The following DICER1 variants were observed in gnomAD, a reference collection of about 807,000 sequenced individuals.
DICER1 encodes endoribonuclease Dicer.
In DICER1, 43 loss-of-function variants were observed where a neutral mutation model predicts 194.1. That is an observed-to-expected ratio of 0.22 (90% CI 0.17 to 0.29). The LOEUF (loss-of-function observed/expected upper bound fraction) is 0.29, where lower values mean the gene tolerates loss of function less well. Ranked by LOEUF, DICER1 falls within the 10% of genes least tolerant of loss-of-function variation. The pLI is 1.00. For synonymous variants in DICER1, 832 were observed against 820.5 expected (o/e 1.01, Z -0.24); for missense variants, 1,608 against 2,317.0 (o/e 0.69, Z 6.28).
chr14:95,109,922 TTTG>T (rs1474833575), intron 14 of DICER1, among the ~76,000 whole-genome samples: 5 of 152,228 alleles, frequency 3.3e-5, no homozygotes, highest in Non-Finnish European at 7.3e-5. Context: ...ATTGTTCTAT[TTTG>T]TTATTACTGT....
intron 24 of DICER1, 71 bp downstream of exon 24, chr14:95,093,817 G>A (rs1354352500): frequency 1.8e-5 from 27 of 1,537,734 alleles, no homozygotes; most frequent in East Asian, 1.3e-4. Flanking sequence ...CCACTATGCC[G>A]TCAGAACTCT....
rs924551551 is a variant in DICER1 at position 95,112,391 on chromosome 14, A to C, written c.2041-144T>G. 20 of 722,028 alleles carry C rather than the reference A, an allele frequency of 2.8e-5. No homozygotes were observed. The East Asian group carries it at 5.2e-4, about 19-fold the overall frequency. 44.7% of individuals were successfully genotyped at this position (722,028 alleles called of 1,614,324 possible). The stretch of plus-strand genomic sequence containing the variant: ...TTCTTTATTTTGAAAAATTCCAGCA[A>C]GTTTTTAAAAATTCTAATCTCCATA... On this transcript the variant is annotated intron_variant, in intron 12 of 26. Transcript: ENST00000343455.
chr14:95,142,006 T>C (rs1366671471), intron 1 of DICER1, among the ~76,000 whole-genome samples: 1 of 152,234 alleles, frequency 6.6e-6, no homozygotes, highest in Non-Finnish European at 1.5e-5. Flanking sequence ...TCAGTAAAAC[T>C]TGGCTTTAAA....
chr14:95,113,424 T>A (rs1595398006), intron 11 of DICER1, among the ~76,000 whole-genome samples, 200 bp from the exon 12 acceptor site: 1 of 152,270 alleles, frequency 6.6e-6, no homozygotes, highest in East Asian at 1.9e-4. Context: ...ATGTTCTATA[T>A]CTTCGATGCC....
intron 1 of DICER1, among the ~76,000 whole-genome samples, chr14:95,147,492 C>T (rs1895213591): frequency 6.6e-6 from 1 of 152,142 alleles, no homozygotes; most frequent in Non-Finnish European, 1.5e-5. Flanking sequence ...CGTTAAGGCA[C>T]AAAATGTGGT....
chr14:95,141,847 T>C (rs1324805670), intron 1 of DICER1: 1 of 152,240 alleles, frequency 6.6e-6, no homozygotes, highest in Non-Finnish European at 1.5e-5. Flanking sequence ...TAAAATTCTT[T>C]ATCTGTTGGG....
chr14:95,152,009 G>A (rs967808029), intron 1 of DICER1, among the ~76,000 whole-genome samples: 2 of 152,140 alleles, frequency 1.3e-5, no homozygotes, highest in Non-Finnish European at 2.9e-5. Context: ...CATTATTCAA[G>A]TTCTCTAAGT....
chr14:95,107,866 GA>G lies in DICER1; in HGVS notation c.2650+13del, dbSNP rs528577189. 7.2e-4 allele frequency: 1,159 copies of G among 1,610,324 alleles called. 26 individuals are homozygous for G. In the South Asian group the frequency reaches 0.012, roughly 17 times the overall value. On this transcript the variant is annotated intron_variant, in intron 16 of 26. Coordinates refer to ENST00000343455, the MANE Select transcript of DICER1 (RefSeq NM_177438.3). ...TGTGTCTAGAGTTATCAAAGTAAGA[GA>G]TTTTTTTCTTACCAACATTAAGAGG...
intron 1 of DICER1, among the ~76,000 whole-genome samples, chr14:95,146,175 C>T (rs145785540): frequency 3.3e-5 from 5 of 152,334 alleles, no homozygotes; most frequent in African/African-American, 1.2e-4. Context: ...AGTTTAAAGC[C>T]TGAAGGTCGA....
chr14:95,110,191 T>C (rs552982282), intron 14 of DICER1, among the ~76,000 whole-genome samples: 25 of 152,238 alleles, frequency 1.6e-4, no homozygotes, highest in African/African-American at 5.5e-4. Context: ...ATATTAAGCA[T>C]TAAAATAAAT....
intron 21 of DICER1, 68 bp from the exon 22 acceptor site, chr14:95,100,003 A>G (rs1890737541): frequency 6.5e-7 from 1 of 1,537,842 alleles, no homozygotes; most frequent in East Asian, 2.3e-5. Flanking sequence ...AAGGCATATT[A>G]ACATATCCTC....
chr14:95,145,006 CCA>C (rs1895043165), intron 1 of DICER1, among the ~76,000 whole-genome samples: 1 of 152,162 alleles, frequency 6.6e-6, no homozygotes, highest in African/African-American at 2.4e-5. Flanking sequence ...AATCACCTTC[CCA>C]CAGTTTATCA....
rs1894116766 is a variant in DICER1 at position 95,133,338 on chromosome 14, T to C, written c.121A>G (p.Ile41Val). The change falls in exon 2 of 27, where the codon ATT becomes GTT. Residue 41 changes from isoleucine to valine, a missense_variant. Physicochemically the swap from Ile to Val is conservative, Grantham distance 29 (BLOSUM62 3). Around this residue, in one of 10 missense-constraint regions of DICER1, gnomAD observed 657 missense variants for 910.1 expected, o/e 0.72. Coordinates refer to ENST00000343455, the MANE Select transcript of DICER1 (RefSeq NM_177438.3). ...PWQQEAIHDN[I>V]YTPRKYQVEL... ...ACCTGATATTTTCTTGGCGTATAAATGTTATCATGAATTGCTTCTTGTTGC... is the reference window on the plus strand; with the variant it reads ...ACCTGATATTTTCTTGGCGTATAAACGTTATCATGAATTGCTTCTTGTTGC... 7.4e-6 allele frequency: 12 copies of C among 1,614,140 alleles called. No individual in the cohort carries two copies. The highest frequency in any genetic ancestry group is 8.5e-6 in the Non-Finnish European group (10 of 1,180,010).
At position 95,103,759 on chromosome 14, in the gene DICER1, G is replaced by C. The variant is rs965289045; in HGVS notation, c.3637C>G (p.Pro1213Ala). 3.7e-6 allele frequency: 6 copies of C among 1,614,072 alleles called. No individual in the cohort carries two copies. The highest frequency in any genetic ancestry group is 5.1e-6 in the Non-Finnish European group (6 of 1,180,040). The change falls in exon 21 of 27, where the codon CCA becomes GCA. Residue 1213 changes from proline (P) to alanine (A), a missense_variant. By Grantham distance (27) the Pro-to-Ala change is conservative (BLOSUM62 -1). Coordinates refer to ENST00000343455, the MANE Select transcript of DICER1 (RefSeq NM_177438.3). ...NYYKQEIPVQ[P>A]TTSYSIQNLY... ...TTCTGAATGGAATATGAGGTAGTTG[G>C]TTGCACGGGTATTTCCTGCTTGTAG...
chr14:95,150,717 T>C lies in DICER1; in HGVS notation c.-46+6513A>G, dbSNP rs138582716. Among the ~76,000 whole-genome samples, 24 of 152,188 alleles carry C rather than the reference T, an allele frequency of 1.6e-4. 1 individual carries two copies. Among genetic ancestry groups the C allele is most frequent in the Non-Finnish European group, 2.6e-4 (18 of 68,040 alleles). The stretch of plus-strand genomic sequence containing the variant: ...CTGCAGATTACCTACTAATTACAAA[T>C]GAAAACTAGTATTTTTATTCAGTGG... On this transcript the variant is annotated intron_variant, in intron 1 of 26. Coordinates refer to ENST00000343455, the MANE Select transcript of DICER1 (RefSeq NM_177438.3).
rs750104632 is a variant in DICER1 at position 95,103,979 on chromosome 14, T to A, written c.3417A>T (p.Arg1139Ser). The change falls in exon 21 of 27, where the codon AGA (arginine) becomes AGT (serine). Residue 1139 changes from arginine (R) to serine (S), a missense_variant. By Grantham distance (110) the Arg-to-Ser change is moderately radical. Around this residue, in one of 10 missense-constraint regions of DICER1, gnomAD observed 222 missense variants for 215.5 expected, o/e 1.03. Transcript: ENST00000343455. ...GGTCATGATTTTCTAGAGAGGAGGT[T>A]CTATTAGCACCTTGATGTGCAGCAT... is the stretch of plus-strand genomic sequence containing the variant. The part of the protein sequence containing the change: ...PENAAHQGAN[R>S]TSSLENHDQM... 18 of 1,614,074 alleles carry A rather than the reference T, an allele frequency of 1.1e-5. No individual in the cohort carries two copies. Among genetic ancestry groups the A allele is most frequent in the Non-Finnish European group, 1.4e-5 (17 of 1,180,036 alleles).
chr14:95,149,565 A>G (rs1895376374), intron 1 of DICER1, among the ~76,000 whole-genome samples: 1 of 152,184 alleles, frequency 6.6e-6, no homozygotes, highest in African/African-American at 2.4e-5. Flanking sequence ...ACTGCCCCAT[A>G]TATTAGCTGT....
At chr14:95,106,007 G>C in intron 18 of DICER1, 34 bp downstream of exon 18, 2 of 1,607,574 alleles carry the variant, frequency 1.2e-6, no homozygotes, top group Non-Finnish European at 1.7e-6. Flanking sequence ...AATCCCTCAA[G>C]TGCAATCCAA....
chr14:95,127,773 T>A (rs1893603139), intron 6 of DICER1, among the ~76,000 whole-genome samples: 1 of 152,274 alleles, frequency 6.6e-6, no homozygotes, highest in African/African-American at 2.4e-5. Flanking sequence ...CAGGGGCTGA[T>A]ATTCAAATAA....
Sources: gnomAD v4.1 joint callset for allele counts (sites outside exome capture counted in the v4.1 genomes callset) on GRCh38, gnomAD v4.1.1 for gene constraint, gnomAD v4.1.1 regional missense constraint, MANE v1.5 for transcripts, NCBI Gene and HGNC (gene_info 2026-07-23, HGNC 2026-07-21) for gene names.